Variants in SAXO1 observed in about 807,000 individuals in gnomAD.
SAXO1 encodes the protein stabilizer of axonemal microtubules 1.
SAXO1 carries 21 observed loss-of-function variants against 17.5 expected under a neutral mutation model. The observed-to-expected ratio is 1.20, with a 90% CI of 0.85 to 1.72. The LOEUF (loss-of-function observed/expected upper bound fraction) is 1.72. SAXO1 is among the 40% of genes most tolerant of loss of function. SAXO1 has a pLI of 0.00. For missense variants in SAXO1, 843 were observed against 596.0 expected (o/e 1.41, Z -4.32); for synonymous variants, 274 against 216.5 (o/e 1.27, Z -2.33).
At chr9:19,032,078 G>A (rs1374276971) in intron 1 of SAXO1, among the ~76,000 whole-genome samples, 2 of 152,190 alleles carry the variant, frequency 1.3e-5, no homozygotes, top group East Asian at 1.9e-4. Context: ...ATGACCTGGA[G>A]TTTAGTTACC....
chr9:19,004,466 C>T (rs187732648), intron 1 of SAXO1, among the ~76,000 whole-genome samples: 100 of 152,240 alleles, frequency 6.6e-4, no homozygotes, highest in African/African-American at 2.1e-3. Flanking sequence ...GGAACCAACC[C>T]AAATGTCCAT....
chr9:18,947,398 C>G (rs752803456), intron 2 of SAXO1, among the ~76,000 whole-genome samples: 2 of 152,090 alleles, frequency 1.3e-5, no homozygotes, highest in African/African-American at 2.4e-5. Flanking sequence ...GTGATAGAGT[C>G]GATGCTACCA....
chr9:18,951,757 G>A (rs1453763869), intron 1 of SAXO1, among the ~76,000 whole-genome samples: 1 of 152,080 alleles, frequency 6.6e-6, no homozygotes, highest in African/African-American at 2.4e-5. Context: ...CAAGCTCAGG[G>A]CCTTTATCAA....
chr9:18,987,141 C>G (rs932237907), intron 1 of SAXO1, among the ~76,000 whole-genome samples: 5 of 152,174 alleles, frequency 3.3e-5, no homozygotes, highest in Non-Finnish European at 7.3e-5. Flanking sequence ...GCACAGTCCT[C>G]TCAGGTGATT....
At chr9:19,003,520 A>T (rs1282133393) in intron 1 of SAXO1, among the ~76,000 whole-genome samples, 1 of 152,216 alleles carries the variant, frequency 6.6e-6, no homozygotes, top group African/African-American at 2.4e-5. Context: ...TAACCAAAAC[A>T]GCATGGTACT....
intron 3 of SAXO1, among the ~76,000 whole-genome samples, chr9:18,932,029 G>A (rs1831074596): frequency 1.3e-5 from 2 of 152,108 alleles, no homozygotes; most frequent in Non-Finnish European, 2.9e-5. Flanking sequence ...TCTTAATGGT[G>A]TCTTTCTAAG....
intron 1 of SAXO1, among the ~76,000 whole-genome samples, chr9:19,020,891 C>T (rs973709667): frequency 6.6e-6 from 1 of 152,164 alleles, no homozygotes; most frequent in Non-Finnish European, 1.5e-5. Flanking sequence ...TGTTGAAACT[C>T]TTCTGGCCTG....
At chr9:19,046,383 G>A (rs1225372132) in intron 1 of SAXO1, among the ~76,000 whole-genome samples, 1 of 152,028 alleles carries the variant, frequency 6.6e-6, no homozygotes, top group Non-Finnish European at 1.5e-5. Context: ...AATAAGAAAG[G>A]GTTACCAAAA....
chr9:18,938,711 G>A (rs540591580), intron 3 of SAXO1, among the ~76,000 whole-genome samples: 2 of 152,178 alleles, frequency 1.3e-5, no homozygotes, highest in African/African-American at 4.8e-5. Context: ...GTTTGAAGAG[G>A]ACAGCCTGAG....
intron 1 of SAXO1, among the ~76,000 whole-genome samples, chr9:19,045,355 A>C (rs1488996889): frequency 1.4e-5 from 2 of 147,216 alleles, no homozygotes; most frequent in African/African-American, 4.9e-5. Context: ...AAAAGATGCA[A>C]TTAGACTTAC....
At chr9:18,958,582 T>C (rs1346431319) in intron 1 of SAXO1, among the ~76,000 whole-genome samples, 1 of 151,974 alleles carries the variant, frequency 6.6e-6, no homozygotes, top group Non-Finnish European at 1.5e-5. Context: ...ATGCAAATGA[T>C]ATACCAACTA....
chr9:18,989,570 AC>A (rs1833726038), intron 1 of SAXO1, among the ~76,000 whole-genome samples: 2 of 151,940 alleles, frequency 1.3e-5, no homozygotes, highest in Non-Finnish European at 2.9e-5. Flanking sequence ...ACACACACAC[AC>A]ACACACACAC....
chr9:19,000,632 T>G (rs1216207678), intron 1 of SAXO1, among the ~76,000 whole-genome samples: 1 of 152,216 alleles, frequency 6.6e-6, no homozygotes, highest in Non-Finnish European at 1.5e-5. Flanking sequence ...AAGTGTGAAG[T>G]GACAGCCTTG....
chr9:19,001,922 C>G (rs1249647938), intron 1 of SAXO1, among the ~76,000 whole-genome samples: 1 of 151,716 alleles, frequency 6.6e-6, no homozygotes, highest in Non-Finnish European at 1.5e-5. Flanking sequence ...GATAGAGACA[C>G]AAAAAACCCT....
rs571257979 is a variant in SAXO1 at position 18,980,290 on chromosome 9, G to A, written c.39-29353C>T. Among the ~76,000 whole-genome samples, 90 of 152,204 alleles carry A rather than the reference G, an allele frequency of 5.9e-4. 2 individuals carry two copies. Among genetic ancestry groups the A allele is most frequent in the South Asian group, 5.0e-3 (24 of 4,814 alleles). On this transcript the variant is annotated intron_variant, in intron 1 of 3. Coordinates refer to ENST00000380534, the MANE Select transcript of SAXO1 (RefSeq NM_153707.4). ...ACTCCACAGTAGGAGTTTAGGCACT[G>A]CTTGGGAGTGTGTGTTTAAGCATAC...
chr9:18,956,222 A>G (rs898506133), intron 1 of SAXO1, among the ~76,000 whole-genome samples: 1 of 149,046 alleles, frequency 6.7e-6, no homozygotes, highest in Non-Finnish European at 1.5e-5. Context: ...AAGTGCTGGG[A>G]TTACAGGTAT....
upstream of SAXO1, among the ~76,000 whole-genome samples, chr9:19,037,250 G>GCC (rs1835964698): frequency 1.3e-5 from 2 of 152,192 alleles, no homozygotes; most frequent in Admixed American, 1.3e-4. Flanking sequence ...TTGGACTGTG[G>GCC]ACTTTCGGGT....
At chr9:19,019,921 G>A (rs144745167) in intron 1 of SAXO1, among the ~76,000 whole-genome samples, 195 of 151,360 alleles carry the variant, frequency 1.3e-3, no homozygotes, top group Admixed American at 2.6e-3. Context: ...CAAATACTAC[G>A]TTATTATCCA....
intron 1 of SAXO1, among the ~76,000 whole-genome samples, chr9:18,978,053 G>A (rs117403768): frequency 0.012 from 1,764 of 149,168 alleles, 19 homozygotes; most frequent in Non-Finnish European, 0.017. Flanking sequence ...AGAGTCGGGT[G>A]GAACTAGATC....
Sources: gnomAD v4.1 joint callset for allele counts (sites outside exome capture counted in the v4.1 genomes callset) on GRCh38, gnomAD v4.1.1 for gene constraint, MANE v1.5 for transcripts, NCBI Gene and HGNC (gene_info 2026-07-23, HGNC 2026-07-21) for gene names.